RALYL: variants seen among roughly 807,000 people sequenced by gnomAD.
RALYL encodes RALY RNA binding protein like.
A neutral mutation model predicts 35.1 loss-of-function variants in RALYL; 29 were observed. The ratio of observed to expected loss-of-function variants is 0.83; its 90% confidence interval spans 0.61 to 1.13. The LOEUF (loss-of-function observed/expected upper bound fraction) is 1.13. Ranked by LOEUF, RALYL falls within the 50% of genes most tolerant of loss-of-function variation. The pLI is 0.00. For missense variants in RALYL, 359 were observed against 360.4 expected (o/e 1.00, Z 0.03); for synonymous variants, 120 against 127.6 (o/e 0.94, Z 0.40).
At position 84,745,986 on chromosome 8, in the gene RALYL, G is replaced by T. The variant is rs548251427; in HGVS notation, c.257-28593G>T. On this transcript the variant is annotated intron_variant, in intron 2 of 8. Coordinates refer to ENST00000521268, the MANE Select transcript of RALYL (RefSeq NM_173848.7). ...ATGATTGAGTTGCAGGGTATCTCTT[G>T]ATATTAACTAGGATAAAGAATTGGA... Among the ~76,000 whole-genome samples the T allele has an allele frequency of 6.6e-5, 10 of 152,128 alleles. No homozygotes were observed. The South Asian group carries it at 2.1e-3, about 32-fold the overall frequency.
At chr8:84,744,306 G>GAGAT (rs1808098316) in intron 2 of RALYL, among the ~76,000 whole-genome samples, 1 of 151,962 alleles carries the variant, frequency 6.6e-6, no homozygotes, top group African/African-American at 2.4e-5. Flanking sequence ...CTCTTTGACT[G>GAGAT]AGATAGGTAC....
chr8:84,332,021 C>T (rs771364993), intron 1 of RALYL, among the ~76,000 whole-genome samples: 5 of 152,082 alleles, frequency 3.3e-5, no homozygotes, highest in African/African-American at 1.2e-4. Context: ...TTTAACAACC[C>T]CATCCTGCCA....
intron 1 of RALYL, among the ~76,000 whole-genome samples, chr8:84,243,715 G>A (rs1412272207): frequency 6.6e-6 from 1 of 152,076 alleles, no homozygotes; most frequent in African/African-American, 2.4e-5. Context: ...GTGCTTTGCT[G>A]TGCCGAGTTT....
intron 1 of RALYL, among the ~76,000 whole-genome samples, chr8:84,487,075 A>G (rs1355899377): frequency 6.6e-6 from 1 of 152,054 alleles, no homozygotes; most frequent in Non-Finnish European, 1.5e-5. Flanking sequence ...TCATGAATTT[A>G]CTCTTGATTG....
chr8:84,894,753 G>C (rs1844447486), intron 8 of RALYL, among the ~76,000 whole-genome samples: 1 of 152,158 alleles, frequency 6.6e-6, no homozygotes, highest in Admixed American at 6.5e-5. Context: ...TTTGTAATAA[G>C]TGTCCCCTCT....
At chr8:84,704,424 C>T (rs1840772367) in intron 2 of RALYL, among the ~76,000 whole-genome samples, 2 of 150,566 alleles carry the variant, frequency 1.3e-5, no homozygotes, top group South Asian at 4.2e-4. Context: ...GACTCTATAC[C>T]ACCAGCCCCC....
At chr8:84,523,313 C>A (rs1319782923) in intron 1 of RALYL, among the ~76,000 whole-genome samples, 1 of 151,814 alleles carries the variant, frequency 6.6e-6, no homozygotes, top group East Asian at 1.9e-4. Flanking sequence ...GAGACTTATT[C>A]ACACTCATGA....
intron 2 of RALYL, among the ~76,000 whole-genome samples, chr8:84,732,668 T>TTATATATATATGTATATATATATATATA (rs780316979): frequency 1.4e-4 from 19 of 132,488 alleles, no homozygotes; most frequent in African/African-American, 5.7e-4. Flanking sequence ...TATTAAATAA[T>TTATATATATATGTATATATATATATATA]TATATATATA....
chr8:84,774,096 G>T (rs1003988519), intron 2 of RALYL, among the ~76,000 whole-genome samples: 13 of 152,156 alleles, frequency 8.5e-5, no homozygotes, highest in African/African-American at 3.1e-4. Flanking sequence ...GCACATGCCT[G>T]TAGTCCTAGC....
At chr8:84,736,808 A>G (rs560034119) in intron 2 of RALYL, among the ~76,000 whole-genome samples, 137 of 152,132 alleles carry the variant, frequency 9.0e-4, no homozygotes, top group African/African-American at 3.0e-3. Context: ...GTTTAGAACA[A>G]TCATTGTTCT....
chr8:84,471,949 T>C (rs963304713), intron 1 of RALYL, among the ~76,000 whole-genome samples: 2 of 152,196 alleles, frequency 1.3e-5, no homozygotes, highest in African/African-American at 4.8e-5. Flanking sequence ...CTTTGGACAA[T>C]ACTTACACAT....
At chr8:84,292,796 A>T (rs1284192409) in intron 1 of RALYL, among the ~76,000 whole-genome samples, 2 of 152,216 alleles carry the variant, frequency 1.3e-5, no homozygotes, top group African/African-American at 4.8e-5. Context: ...ATAAATAACC[A>T]TAAAAATGGG....
At chr8:84,443,460 A>G (rs2048539151) in intron 1 of RALYL, among the ~76,000 whole-genome samples, 1 of 152,168 alleles carries the variant, frequency 6.6e-6, no homozygotes, top group Non-Finnish European at 1.5e-5. Flanking sequence ...ATCAGCGAGC[A>G]TTAGAGCTGA....
chr8:84,681,786 CAG>C (rs1210828835), intron 2 of RALYL, among the ~76,000 whole-genome samples: 4 of 152,310 alleles, frequency 2.6e-5, no homozygotes, highest in Non-Finnish European at 5.9e-5. Context: ...CATCTGCAAA[CAG>C]GGACAATTTG....
intron 2 of RALYL, among the ~76,000 whole-genome samples, chr8:84,615,570 C>CTTTTTTTTTTTTTTTTTTT (rs60428128): frequency 1.5e-3 from 101 of 67,384 alleles, no homozygotes; most frequent in African/African-American, 1.7e-3. Flanking sequence ...GAACTTTCGT[C>CTTTTTTTTTTTTTTTTTTT]TTTTTTTTTT....
At chr8:84,415,347 C>T (rs994919786) in intron 1 of RALYL, among the ~76,000 whole-genome samples, 1 of 151,924 alleles carries the variant, frequency 6.6e-6, no homozygotes, top group African/African-American at 2.4e-5. Context: ...TCAAGCGATT[C>T]TCCTGCCTCA....
At chr8:84,547,368 T>G (rs376180812) in intron 2 of RALYL, among the ~76,000 whole-genome samples, 1 of 151,852 alleles carries the variant, frequency 6.6e-6, no homozygotes, top group South Asian at 2.1e-4. Flanking sequence ...TTTTTCTTTC[T>G]TTTTACTTAT....
intron 2 of RALYL, among the ~76,000 whole-genome samples, chr8:84,589,465 G>T (rs1366279049): frequency 6.6e-6 from 1 of 152,118 alleles, no homozygotes; most frequent in African/African-American, 2.4e-5. Flanking sequence ...AACTTACTGT[G>T]AGATTAATTA....
At chr8:84,605,919 A>T (rs973412034) in intron 2 of RALYL, among the ~76,000 whole-genome samples, 2 of 152,040 alleles carry the variant, frequency 1.3e-5, no homozygotes, top group Non-Finnish European at 2.9e-5. Flanking sequence ...AACCTAGGAG[A>T]GCCAGGTTTA....
Sources: gnomAD v4.1 joint callset for allele counts (sites outside exome capture counted in the v4.1 genomes callset) on GRCh38, gnomAD v4.1.1 for gene constraint, MANE v1.5 for transcripts, NCBI Gene and HGNC (gene_info 2026-07-23, HGNC 2026-07-21) for gene names.